VPS45: variants seen among roughly 807,000 people sequenced by gnomAD.
VPS45 encodes the protein vacuolar protein sorting 45 homolog.
VPS45 carries 35 observed loss-of-function variants against 75.9 expected under a neutral mutation model. That is an observed-to-expected ratio of 0.46 (90% CI 0.35 to 0.61). VPS45 has a LOEUF of 0.61. VPS45 is among the 20% of genes least tolerant of loss of function. The pLI is 0.00. For synonymous variants in VPS45, 220 were observed against 238.2 expected, an observed-to-expected ratio of 0.92 and a Z score of 0.70; for missense variants, 559 against 685.9, an observed-to-expected ratio of 0.81 and a Z score of 2.07.
chr1:150,082,568 G>A (rs1194123702), intron 9 of VPS45, 148 bp from the exon 10 acceptor site: 4 of 872,008 alleles, frequency 4.6e-6, no homozygotes, highest in Non-Finnish European at 6.9e-6. Context: ...CTCTTCTTAA[G>A]CATAACAAAA....
intron 7 of VPS45, among the ~76,000 whole-genome samples, chr1:150,080,371 C>T (rs1201122158): frequency 5.3e-5 from 8 of 151,868 alleles, no homozygotes; most frequent in African/African-American, 1.7e-4. Flanking sequence ...CTCGAACTCC[C>T]GACCTTAAGT....
In VPS45 at chr1:150,110,694, A is replaced by T. The variant is rs1657602989; in HGVS notation, c.1625+67A>T. The T allele has an allele frequency of 2.7e-6, 4 of 1,464,482 alleles. No homozygotes were observed. The South Asian group carries it at 5.9e-5, about 22-fold the overall frequency. The allele number at this position is 1,464,482 out of a possible 1,614,324, so 90.7% of individuals were successfully genotyped here. ...AGAGGATAAAGCTTAAATTCCCTTTATGTTGGAAAAATTTGGTCAATACTC... is the reference window on the plus strand; with the variant it reads ...AGAGGATAAAGCTTAAATTCCCTTTTTGTTGGAAAAATTTGGTCAATACTC... On this transcript the variant is annotated intron_variant, in intron 14 of 14. Coordinates refer to ENST00000644510, the MANE Select transcript of VPS45 (RefSeq NM_007259.5).
intron 14 of VPS45, among the ~76,000 whole-genome samples, chr1:150,132,590 C>G (rs74124314): frequency 0.027 from 4,106 of 152,274 alleles, 142 homozygotes; most frequent in African/African-American, 0.088. Context: ...CATCCTTCAG[C>G]ACATATGTTC....
chr1:150,118,081 G>A lies in VPS45; in HGVS notation c.1625+7454G>A, dbSNP rs1474202918. 7.2e-5 allele frequency among the ~76,000 whole-genome samples: 11 copies of A among 151,908 alleles called. No individual in the cohort carries two copies. In the East Asian group the frequency reaches 1.8e-3, roughly 24 times the overall value. ...GCATATCACTTGAGGCCAGGAGTTC[G>A]AGACCAGCCTGCCCAACATGGTGAA... On this transcript the variant is annotated intron_variant, in intron 14 of 14. Coordinates refer to ENST00000644510, the MANE Select transcript of VPS45 (RefSeq NM_007259.5).
At chr1:150,124,606 G>A (rs1658409609) in intron 14 of VPS45, among the ~76,000 whole-genome samples, 1 of 143,284 alleles carries the variant, frequency 7.0e-6, no homozygotes, top group Non-Finnish European at 1.5e-5. Flanking sequence ...GGAGTGCAGT[G>A]GCACAATCCC....
chr1:150,113,340 A>G (rs1339920087), intron 14 of VPS45, among the ~76,000 whole-genome samples: 1 of 152,214 alleles, frequency 6.6e-6, no homozygotes, highest in Non-Finnish European at 1.5e-5. Flanking sequence ...TACCACATAC[A>G]TACACTTACA....
In VPS45 at chr1:150,144,739, G is replaced by T. The variant is rs1571931928; in HGVS notation, c.1656G>T (p.Leu552=). ...TAGAGGAAGTTCTGGCTTCTGGACTGCACAGCCGAAGCAAGGAGAGCTCTC... is the reference window on the plus strand; with the variant it reads ...TAGAGGAAGTTCTGGCTTCTGGACTTCACAGCCGAAGCAAGGAGAGCTCTC... ...SFLEEVLASG[L]HSRSKESSQV... Residue 552 remains leucine (L), a synonymous_variant, in exon 15 of 15, where the codon CTG becomes CTT. Transcript: ENST00000644510. 6.2e-7 allele frequency: 1 copy of T among 1,614,132 alleles called. No individual in the cohort carries two copies. Among genetic ancestry groups the T allele is most frequent in the Non-Finnish European group, 8.5e-7 (1 of 1,180,020 alleles).
Position 150,138,850 on chromosome 1 carries a change from T to A in VPS45, c.1626-5859T>A, listed in dbSNP as rs183236777. Among the ~76,000 whole-genome samples the A allele has an allele frequency of 2.2e-3, 328 of 152,212 alleles. 1 individual carries two copies. Among genetic ancestry groups the A allele is most frequent in the Middle Eastern group, 0.01 (3 of 294 alleles). On this transcript the variant is annotated intron_variant, in intron 14 of 14. Transcript: ENST00000644510. ...TGATCTTTGTTGCTCAATATAATCC[T>A]CCCTCCGACTTCCCACCTCAGTGGC...
At chr1:150,101,068 G>A (rs996712746) in intron 13 of VPS45, among the ~76,000 whole-genome samples, 1 of 152,020 alleles carries the variant, frequency 6.6e-6, no homozygotes, top group Non-Finnish European at 1.5e-5. Flanking sequence ...TCAGGAATTC[G>A]AGACCACCTA....
chr1:150,103,308 C>T (rs1257199477), intron 13 of VPS45, among the ~76,000 whole-genome samples: 9 of 152,126 alleles, frequency 5.9e-5, no homozygotes, highest in Non-Finnish European at 1.3e-4. Flanking sequence ...AGAACATCTA[C>T]TTTTAAAATT....
At chr1:150,067,657 C>T, upstream of VPS45, 3 of 548,002 alleles carry the variant, frequency 5.5e-6, no homozygotes, top group South Asian at 7.6e-5. Context: ...CCGTCTCAGC[C>T]GGATTTTTCC....
At chr1:150,135,515 CT>C (rs1659029093) in intron 14 of VPS45, among the ~76,000 whole-genome samples, 2 of 152,088 alleles carry the variant, frequency 1.3e-5, no homozygotes, top group Admixed American at 6.5e-5. Context: ...ATCCACCCTC[CT>C]CGGCCTCCCA....
intron 14 of VPS45, among the ~76,000 whole-genome samples, chr1:150,118,345 A>G (rs146152315): frequency 3.6e-4 from 55 of 152,200 alleles, no homozygotes; most frequent in South Asian, 1.9e-3. Flanking sequence ...AAAGTAGAAA[A>G]AAGAAAAAAA....
chr1:150,143,486 G>A (rs1277752641), intron 14 of VPS45, among the ~76,000 whole-genome samples: 1 of 152,030 alleles, frequency 6.6e-6, no homozygotes, highest in East Asian at 1.9e-4. Flanking sequence ...TAATCGGGAG[G>A]CTGAGGGAGG....
intron 13 of VPS45, among the ~76,000 whole-genome samples, chr1:150,108,570 GGGACCATAAAA>G (rs1434955902): frequency 1.3e-5 from 2 of 152,186 alleles, no homozygotes; most frequent in East Asian, 3.9e-4. Flanking sequence ...GAGATGAAGT[GGGACCATAAAA>G]GGATACTGAA....
intron 13 of VPS45, among the ~76,000 whole-genome samples, chr1:150,101,159 C>T (rs781922120): frequency 6.6e-6 from 1 of 150,914 alleles, no homozygotes; most frequent in Non-Finnish European, 1.5e-5. Context: ...AATTGTGCCA[C>T]GGGAGGCTGA....
chr1:150,092,318 T>C lies in VPS45; in HGVS notation c.1280T>C (p.Val427Ala). Residue 427 changes from valine (V) to alanine (A), a missense_variant, in exon 12 of 15, where the codon GTT becomes GCT. By Grantham distance (64) the Val-to-Ala change is moderately conservative. Transcript: ENST00000644510. ...EKYRKLVSAV[V>A]EYGGKRVRGS... is the part of the protein sequence containing the mutation. ...TCTTAATAGCTCGTGTCTGCAGTTG[T>C]TGAATATGGTGGTAAACGAGTCAGA... 1 of 1,614,134 alleles carries C rather than the reference T, an allele frequency of 6.2e-7. No homozygotes were observed. Among genetic ancestry groups the C allele is most frequent in the South Asian group, 1.1e-5 (1 of 91,078 alleles).
chr1:150,101,558 AC>A (rs1553804332), intron 13 of VPS45, among the ~76,000 whole-genome samples: 1 of 151,866 alleles, frequency 6.6e-6, no homozygotes, highest in Admixed American at 6.6e-5. Context: ...ACATGGTGAA[AC>A]CCCTTCTCTA....
At chr1:150,068,011 C>G (rs1249823985) in intron 1 of VPS45, 61 bp downstream of exon 1, 9 of 1,488,458 alleles carry the variant, frequency 6.0e-6, no homozygotes, top group Admixed American at 1.7e-5. Context: ...ATTGCTCGTC[C>G]CATTCCACTG....
Sources: allele counts gnomAD v4.1 joint callset (sites outside exome capture counted in the v4.1 genomes callset), GRCh38; gene constraint gnomAD v4.1.1; transcripts MANE v1.5; gene names NCBI Gene and HGNC (gene_info 2026-07-23, HGNC 2026-07-21).